The following SLC2A9 variants were observed in gnomAD, a reference collection of about 807,000 sequenced individuals.
SLC2A9 encodes solute carrier family 2, facilitated glucose transporter member 9.
SLC2A9 carries 39 observed loss-of-function variants against 50.6 expected under a neutral mutation model. The observed-to-expected ratio is 0.77, with a 90% CI of 0.60 to 1.01. The LOEUF is 1.01. Ranked by LOEUF, SLC2A9 falls within the 50% of genes least tolerant of loss-of-function variation. SLC2A9 has a pLI of 0.00. For missense variants in SLC2A9, 686 were observed against 677.6 expected (o/e 1.01, Z -0.14); for synonymous variants, 324 against 276.9 (o/e 1.17, Z -1.69).
At chr4:9,878,537 G>T (rs1391162124) in intron 10 of SLC2A9, among the ~76,000 whole-genome samples, 1 of 152,062 alleles carries the variant, frequency 6.6e-6, no homozygotes, top group African/African-American at 2.4e-5. Flanking sequence ...TCCACAGAGG[G>T]CATGAAAGCT....
chr4:9,786,644 A>G (rs1332310723), intron 3 of SLC2A9, among the ~76,000 whole-genome samples: 9 of 152,084 alleles, frequency 5.9e-5, no homozygotes, highest in African/African-American at 1.9e-4. Flanking sequence ...TTAACCTCAC[A>G]TGTTATTATT....
intron 5 of SLC2A9, among the ~76,000 whole-genome samples, chr4:9,943,048 C>T (rs919033628): frequency 6.6e-6 from 1 of 152,194 alleles, no homozygotes; most frequent in African/African-American, 2.4e-5. Flanking sequence ...TCCTGGGGCA[C>T]CAGAACTGGC....
chr4:9,785,972 G>A (rs1431119950), intron 3 of SLC2A9, among the ~76,000 whole-genome samples: 3 of 152,196 alleles, frequency 2.0e-5, no homozygotes, highest in Non-Finnish European at 4.4e-5. Context: ...AGACCTTGAC[G>A]AAGTAAGGGT....
intron 6 of SLC2A9, among the ~76,000 whole-genome samples, chr4:9,927,186 C>T (rs899629244): frequency 7.8e-5 from 6 of 77,122 alleles, no homozygotes; most frequent in South Asian, 3.1e-4. Context: ...TCCGCCACCA[C>T]GCCTGTATTT....
intron 1 of SLC2A9, among the ~76,000 whole-genome samples, chr4:9,773,650 G>T (rs1431548228): frequency 6.6e-6 from 1 of 152,226 alleles, no homozygotes; most frequent in East Asian, 1.9e-4. Flanking sequence ...TGAGATCAGG[G>T]CTCTGGCTGG....
At chr4:9,889,952 A>C (rs945364108) in intron 9 of SLC2A9, among the ~76,000 whole-genome samples, 1 of 152,098 alleles carries the variant, frequency 6.6e-6, no homozygotes, top group African/African-American at 2.4e-5. Context: ...TCCATAAAAC[A>C]AAAAAATACT....
intron 11 of SLC2A9, among the ~76,000 whole-genome samples, chr4:9,828,705 T>A (rs1024885438): frequency 6.6e-6 from 1 of 152,224 alleles, no homozygotes; most frequent in African/African-American, 2.4e-5. Context: ...AAGGTCATTT[T>A]CTCAGAGAGG....
chr4:9,888,359 G>A (rs763409795), intron 9 of SLC2A9, among the ~76,000 whole-genome samples: 4 of 151,552 alleles, frequency 2.6e-5, no homozygotes, highest in Non-Finnish European at 4.4e-5. Context: ...AGTTATCTTA[G>A]TTCTGATATT....
intron 10 of SLC2A9, among the ~76,000 whole-genome samples, chr4:9,861,829 T>A (rs1731712170): frequency 6.6e-6 from 1 of 152,184 alleles, no homozygotes; most frequent in Non-Finnish European, 1.5e-5. Flanking sequence ...TAAAAACTAC[T>A]TGCTGAATTA....
chr4:9,778,056 C>CCTTT (rs1717811335), downstream of SLC2A9, among the ~76,000 whole-genome samples: 4 of 2,938 alleles, frequency 1.4e-3, no homozygotes, highest in African/African-American at 2.5e-3. Context: ...TTCTTTCTTT[C>CCTTT]CTTCCTTCCT....
chr4:9,818,465 A>G (rs1723941997), intron 3 of SLC2A9, among the ~76,000 whole-genome samples: 1 of 152,238 alleles, frequency 6.6e-6, no homozygotes, highest in South Asian at 2.1e-4. Context: ...CTTGAACTCA[A>G]CTACTCAACT....
intron 3 of SLC2A9, among the ~76,000 whole-genome samples, chr4:9,813,617 A>C (rs1361563366): frequency 6.6e-6 from 1 of 152,230 alleles, no homozygotes; most frequent in Non-Finnish European, 1.5e-5. Flanking sequence ...CAGTGTAGTT[A>C]AGGATCCCAG....
Position 9,889,198 on chromosome 4 carries a change from C to G in SLC2A9, c.1215+1412G>C, listed in dbSNP as rs141239529. ...TGCAGGAAGAGGTGTCCAGGAATGT[C>G]CAAGGCCTCCTGAGTCCAGAGCAAG... On this transcript the variant is annotated intron_variant, in intron 9 of 11. Coordinates refer to ENST00000264784, the MANE Select transcript of SLC2A9 (RefSeq NM_020041.3). Among the ~76,000 whole-genome samples, 245 of 95,426 alleles carry G rather than the reference C, an allele frequency of 2.6e-3. 2 individuals are homozygous for G. The highest frequency in any genetic ancestry group is 7.2e-3 in the Admixed American group (62 of 8,644). 62.6% of individuals were successfully genotyped at this position (95,426 alleles called of 152,430 possible).
At chr4:9,791,136 T>C (rs765640114) in intron 3 of SLC2A9, among the ~76,000 whole-genome samples, 5 of 152,240 alleles carry the variant, frequency 3.3e-5, no homozygotes, top group Non-Finnish European at 5.9e-5. Flanking sequence ...CCAAGCTGTA[T>C]GTAATATTTT....
At chr4:9,942,297 A>G (rs112854058) in intron 5 of SLC2A9, among the ~76,000 whole-genome samples, 5 of 152,304 alleles carry the variant, frequency 3.3e-5, no homozygotes, top group African/African-American at 1.2e-4. Context: ...AGCTCTGAAA[A>G]GCAGGCGGCT....
At chr4:9,836,466 G>A (rs1727131701) in intron 10 of SLC2A9, among the ~76,000 whole-genome samples, 1 of 152,166 alleles carries the variant, frequency 6.6e-6, no homozygotes, top group East Asian at 1.9e-4. Context: ...ACGGGAAGGT[G>A]GCTCCTGAAG....
downstream of SLC2A9, among the ~76,000 whole-genome samples, chr4:9,823,100 G>A (rs1166638828): frequency 6.6e-6 from 1 of 152,132 alleles, no homozygotes; most frequent in Non-Finnish European, 1.5e-5. Context: ...GGAGAAATAG[G>A]GTGGAGTGTG....
intron 7 of SLC2A9, among the ~76,000 whole-genome samples, chr4:9,919,458 C>T (rs184241396): frequency 5.1e-4 from 78 of 152,280 alleles, no homozygotes; most frequent in Non-Finnish European, 8.1e-4. Context: ...AGGAATGACT[C>T]CCCTTCACAT....
downstream of SLC2A9, chr4:9,779,778 G>C (rs1314608172): frequency 6.6e-6 from 1 of 150,676 alleles, no homozygotes; most frequent in African/African-American, 2.4e-5. Flanking sequence ...CCCTCCCATT[G>C]TATAACCAGT....
Sources: gnomAD v4.1 joint callset for allele counts (sites outside exome capture counted in the v4.1 genomes callset) on GRCh38, gnomAD v4.1.1 for gene constraint, MANE v1.5 for transcripts, NCBI Gene and HGNC (gene_info 2026-07-23, HGNC 2026-07-21) for gene names.